The following XKR4 variants were observed in gnomAD, a reference collection of about 807,000 sequenced individuals.
XKR4 encodes the protein XK related 4.
In XKR4, 12 loss-of-function variants were observed where a neutral mutation model predicts 53.9. That is an observed-to-expected ratio of 0.22 (90% CI 0.14 to 0.36). The LOEUF is 0.36. XKR4 is among the 10% of genes least tolerant of loss of function. XKR4 has a pLI of 1.00. For synonymous variants in XKR4, 354 were observed against 362.4 expected (o/e 0.98, Z 0.26); for missense variants, 799 against 859.5 (o/e 0.93, Z 0.88).
intron 1 of XKR4, among the ~76,000 whole-genome samples, chr8:55,154,936 T>C (rs557338379): frequency 6.8e-4 from 104 of 152,294 alleles, no homozygotes; most frequent in African/African-American, 2.3e-3. Flanking sequence ...ATGTCGCTGG[T>C]GTACGACGTG....
rs115466632 is a variant in XKR4 at position 55,487,753 on chromosome 8, G to A, written c.1007-35528G>A. On this transcript the variant is annotated intron_variant, in intron 2 of 2. Transcript: ENST00000327381. ...CAAAGTGCTGGGATTGATTACAGGC[G>A]TAAGCCACTACCTAGTTACTCCTTA... Among the ~76,000 whole-genome samples the A allele has an allele frequency of 6.6e-3, 1,007 of 152,242 alleles. 10 individuals are homozygous for A. Among genetic ancestry groups the A allele is most frequent in the African/African-American group, 0.021 (858 of 41,542 alleles).
chr8:55,222,630 G>A (rs1220302324), intron 1 of XKR4, among the ~76,000 whole-genome samples: 1 of 152,166 alleles, frequency 6.6e-6, no homozygotes, highest in Non-Finnish European at 1.5e-5. Flanking sequence ...TCTTCAAAAT[G>A]AAAGATCCAT....
intron 1 of XKR4, chr8:55,140,112 A>T (rs766396413): frequency 2.4e-6 from 1 of 420,992 alleles, no homozygotes; most frequent in Admixed American, 2.7e-5. Context: ...TACCAGGTGA[A>T]TTTCTTTTAG....
At chr8:55,239,609 T>C (rs1818180262) in intron 1 of XKR4, among the ~76,000 whole-genome samples, 1 of 152,218 alleles carries the variant, frequency 6.6e-6, no homozygotes, top group African/African-American at 2.4e-5. Context: ...AGCCTTTCTA[T>C]ATAGACATTC....
intron 2 of XKR4, among the ~76,000 whole-genome samples, chr8:55,467,316 A>G (rs1365088651): frequency 6.6e-6 from 1 of 152,156 alleles, no homozygotes; most frequent in Non-Finnish European, 1.5e-5. Context: ...CCCACTGAGG[A>G]TAATCTTCCT....
chr8:55,451,582 C>T (rs555358189), intron 2 of XKR4: 2 of 1,270,672 alleles, frequency 1.6e-6, no homozygotes, highest in South Asian at 1.4e-5. Context: ...CTTGGACCGC[C>T]GGATGCGCCA....
chr8:55,527,633 A>G lies in XKR4; in HGVS notation c.*3406A>G, dbSNP rs2129406382. ...TATGTCCTTTAAATCCTCTTTGCTT[A>G]TTTACTTAACTACATACTGTCTAGT... is the stretch of plus-strand genomic sequence containing the variant. On this transcript the variant is annotated 3_prime_UTR_variant, in exon 3 of 3. Coordinates refer to ENST00000327381, the MANE Select transcript of XKR4 (RefSeq NM_052898.2). 6.6e-6 allele frequency: 1 copy of G among 152,264 alleles called. No homozygotes were observed. The allele number at this position is 152,264 out of a possible 1,614,324, so 9.4% of individuals were successfully genotyped here.
Position 55,518,094 on chromosome 8 carries a change from G to T in XKR4, c.1007-5187G>T, listed in dbSNP as rs534511106. On this transcript the variant is annotated intron_variant, in intron 2 of 2. Coordinates refer to ENST00000327381, the MANE Select transcript of XKR4 (RefSeq NM_052898.2). ...TCTTCGTGGAAGAATCAAAGAATTCGAGCACTTGGTTAATTTACTGAGCCT... is the reference window on the plus strand; with the variant it reads ...TCTTCGTGGAAGAATCAAAGAATTCTAGCACTTGGTTAATTTACTGAGCCT... 2.0e-5 allele frequency among the ~76,000 whole-genome samples: 3 copies of T among 152,250 alleles called. No homozygotes were observed. The South Asian group carries it at 6.2e-4, about 32-fold the overall frequency.
rs376937606 is a variant in XKR4 at position 55,524,031 on chromosome 8, G to T, written c.1757G>T (p.Arg586Leu). The change falls in exon 3 of 3, where the codon CGC (arginine) becomes CTC (leucine). Residue 586 changes from arginine to leucine, a missense_variant. By Grantham distance (102) the Arg-to-Leu change is moderately radical. Transcript: ENST00000327381. Reference protein sequence around the residue: ...RPTAPSTPSSRPPRIEESVIK... With the variant: ...RPTAPSTPSSLPPRIEESVIK... ...ACTGCCCCATCCACCCCATCATCTC[G>T]CCCACCACGGATTGAAGAATCAGTC... 6.2e-7 allele frequency: 1 copy of T among 1,613,970 alleles called. No individual in the cohort carries two copies. Among genetic ancestry groups the T allele is most frequent in the Non-Finnish European group, 8.5e-7 (1 of 1,180,036 alleles).
At chr8:55,520,173 T>C (rs1806778752) in intron 2 of XKR4, among the ~76,000 whole-genome samples, 1 of 152,230 alleles carries the variant, frequency 6.6e-6, no homozygotes, top group African/African-American at 2.4e-5. Flanking sequence ...AAGTGTTCTG[T>C]GGCAGTTGTG....
intron 1 of XKR4, among the ~76,000 whole-genome samples, chr8:55,131,053 G>A (rs912400292): frequency 3.3e-5 from 5 of 152,058 alleles, no homozygotes; most frequent in African/African-American, 1.2e-4. Flanking sequence ...CAGCTACTCA[G>A]GAGGCTGAGG....
At position 55,140,154 on chromosome 8, in the gene XKR4, G is replaced by A. The variant is rs142352683; in HGVS notation, c.806+36860G>A. Reference sequence around the variant, plus strand: ...ATTCTCCCTCAGTTATTCCTGGGTTGGTATCTTGACTGAGTGTCTTTTCTT... The same window carrying A: ...ATTCTCCCTCAGTTATTCCTGGGTTAGTATCTTGACTGAGTGTCTTTTCTT... On this transcript the variant is annotated intron_variant, in intron 1 of 2. Transcript: ENST00000327381. The A allele has an allele frequency of 6.6e-4, 289 of 435,350 alleles. 1 individual carries two copies. The highest frequency in any genetic ancestry group is 5.4e-3 in the African/African-American group (268 of 49,296). 27.0% of individuals were successfully genotyped at this position (435,350 alleles called of 1,614,324 possible).
chr8:55,520,748 C>T (rs899567355), intron 2 of XKR4, among the ~76,000 whole-genome samples: 1 of 152,174 alleles, frequency 6.6e-6, no homozygotes, highest in African/African-American at 2.4e-5. Context: ...CATTTTTCTA[C>T]GGCTACAGTA....
chr8:55,153,950 G>A (rs1468348397), intron 1 of XKR4, among the ~76,000 whole-genome samples: 3 of 152,200 alleles, frequency 2.0e-5, no homozygotes, highest in Non-Finnish European at 2.9e-5. Flanking sequence ...ATTTTGATGC[G>A]ATGTATTCCC....
chr8:55,451,005 T>G (rs1296870133), intron 2 of XKR4: 1 of 545,626 alleles, frequency 1.8e-6, no homozygotes, highest in Non-Finnish European at 3.5e-6. Flanking sequence ...CTTCAGCAGC[T>G]TTTTGAAGCT....
In XKR4 at chr8:55,222,213, A is replaced by T. The variant is rs201874164; in HGVS notation, c.806+118919A>T. Among the ~76,000 whole-genome samples, 4 of 152,144 alleles carry T rather than the reference A, an allele frequency of 2.6e-5. No individual in the cohort carries two copies. In the East Asian group the frequency reaches 7.7e-4, roughly 29 times the overall value. ...GTTTTTCAAACTCATTTAAACCATG[A>T]CCCAGGGAAACAAAAATTTAATGAA... On this transcript the variant is annotated intron_variant, in intron 1 of 2. Transcript: ENST00000327381.
intron 1 of XKR4, among the ~76,000 whole-genome samples, chr8:55,110,470 T>C (rs1324649231): frequency 6.6e-6 from 1 of 152,202 alleles, no homozygotes; most frequent in Admixed American, 6.6e-5. Context: ...TTCTTTCTTC[T>C]TGATGAAGGT....
At chr8:55,297,665 A>T (rs1044707093) in intron 1 of XKR4, among the ~76,000 whole-genome samples, 6 of 152,176 alleles carry the variant, frequency 3.9e-5, no homozygotes, top group African/African-American at 9.6e-5. Flanking sequence ...ATAAGTTTTT[A>T]AAAAATATTT....
At chr8:55,459,765 C>A (rs1341218130) in intron 2 of XKR4, among the ~76,000 whole-genome samples, 3 of 152,094 alleles carry the variant, frequency 2.0e-5, no homozygotes, top group Non-Finnish European at 4.4e-5. Flanking sequence ...AAAAGATTGA[C>A]AATACCAGGT....
Sources: allele counts gnomAD v4.1 joint callset (sites outside exome capture counted in the v4.1 genomes callset), GRCh38; gene constraint gnomAD v4.1.1; transcripts MANE v1.5; gene names NCBI Gene and HGNC (gene_info 2026-07-23, HGNC 2026-07-21).